TTF2: variants seen among roughly 807,000 people sequenced by gnomAD.
TTF2 encodes the protein transcription termination factor 2, also known as RNA polymerase II termination factor.
A neutral mutation model predicts 142.4 loss-of-function variants in TTF2; 108 were observed. The observed-to-expected ratio is 0.76, with a 90% confidence interval of 0.65 to 0.89. TTF2 has a LOEUF of 0.89. TTF2 is among the 40% of genes least tolerant of loss of function. The probability of loss-of-function intolerance (pLI) is 0.00; values close to 1 mark genes in which losing one functional copy is unlikely to be tolerated. For missense variants in TTF2, 1,327 were observed against 1,379.8 expected, an observed-to-expected ratio of 0.96 and a Z score of 0.61; for synonymous variants, 483 against 506.2, an observed-to-expected ratio of 0.95 and a Z score of 0.61.
intron 20 of TTF2, 56 bp downstream of exon 20, chr1:117,096,355 G>T: frequency 2.5e-6 from 4 of 1,573,954 alleles, no homozygotes; most frequent in Non-Finnish European, 3.5e-6. Context: ...TATACAAAGA[G>T]AATTCTTTTT....
At position 117,093,858 on chromosome 1, in the gene TTF2, A is replaced by G. The variant is rs1648836867; in HGVS notation, c.2976+957A>G. Among the ~76,000 whole-genome samples the G allele has an allele frequency of 6.6e-6, 1 of 152,196 alleles. No individual in the cohort carries two copies. The highest frequency in any genetic ancestry group is 2.4e-5 in the African/African-American group (1 of 41,448). On this transcript the variant is annotated intron_variant, in intron 18 of 22. Coordinates refer to ENST00000369466, the MANE Select transcript of TTF2 (RefSeq NM_003594.4). This position sits in a 1 kb window ranked among gnomAD's most constrained non-coding sequence, Gnocchi z 4.5. The stretch of plus-strand genomic sequence containing the variant: ...TAACATATGTCCATTAATAGTTCAA[A>G]CCACATACGGTTGTTTCAAGTAGGG...
chr1:117,074,488 G>A (rs968824149), intron 4 of TTF2, among the ~76,000 whole-genome samples: 3 of 152,010 alleles, frequency 2.0e-5, no homozygotes, highest in African/African-American at 4.8e-5. Context: ...TTTTCTAGAC[G>A]TGGAAATGGT....
In TTF2 at chr1:117,075,800, G is replaced by A; in HGVS notation, c.1216G>A (p.Glu406Lys). Residue 406 changes from glutamate to lysine, a missense_variant, in exon 5 of 23, where the codon GAA (glutamate) becomes AAA (lysine). By Grantham distance (56) the Glu-to-Lys change is moderately conservative. Transcript: ENST00000369466. This position sits in a 1 kb window ranked among gnomAD's most constrained non-coding sequence, Gnocchi z 4.5. ...SPASGVSKKVEPSDPVARRVY... is the reference protein window; with the variant it reads ...SPASGVSKKVKPSDPVARRVY... ...TGCCTCAGGTGTTTCCAAGAAGGTA[G>A]AACCCTCAGACCCAGTAGCCCGGCG... The A allele has an allele frequency of 1.9e-6, 3 of 1,614,148 alleles. No individual in the cohort carries two copies. The highest frequency in any genetic ancestry group is 2.5e-6 in the Non-Finnish European group (3 of 1,180,012).
rs144155888 is a variant in TTF2 at position 117,068,462 on chromosome 1, G to A, written c.219-5199G>A. ...TAATGTAAATGACGAGTTAATGGGC[G>A]CAACACACCAACATGGCACATGCAT... On this transcript the variant is annotated intron_variant, in intron 3 of 22. Transcript: ENST00000369466. 4.1e-3 allele frequency among the ~76,000 whole-genome samples: 616 copies of A among 150,960 alleles called. 2 individuals are homozygous for A. Among genetic ancestry groups the A allele is most frequent in the Middle Eastern group, 0.01 (3 of 294 alleles).
At chr1:117,096,678 A>C (rs1649186009) in intron 20 of TTF2, among the ~76,000 whole-genome samples, 1 of 152,222 alleles carries the variant, frequency 6.6e-6, no homozygotes, top group African/African-American at 2.4e-5. Context: ...GTGCCCAGCC[A>C]TATAAAGAGA....
intron 12 of TTF2, among the ~76,000 whole-genome samples, chr1:117,088,041 C>A (rs1648188202): frequency 1.3e-5 from 2 of 152,060 alleles, no homozygotes; most frequent in African/African-American, 4.8e-5. Flanking sequence ...TGTTTTTCTC[C>A]CCTGCTAGAT....
Position 117,076,771 on chromosome 1 carries a change from A to C in TTF2, c.1521A>C (p.Glu507Asp). The change falls in exon 7 of 23, where the codon GAA becomes GAC. Residue 507 changes from glutamate (E) to aspartate (D), a missense_variant. Coordinates refer to ENST00000369466, the MANE Select transcript of TTF2 (RefSeq NM_003594.4). The surrounding 1 kb of genome is among the most constrained non-coding windows in gnomAD (Gnocchi z 4.6). ...GTACCCAACCTGTGGGTTCTCTAGA[A>C]CTAAAGTCTGCCTGCCAGGTGACTG... ...RRGTQPVGSL[E>D]LKSACQVTAG... 2.5e-6 allele frequency: 4 copies of C among 1,614,104 alleles called. No individual in the cohort carries two copies. Among genetic ancestry groups the C allele is most frequent in the Non-Finnish European group, 3.4e-6 (4 of 1,180,004 alleles).
At position 117,062,507 on chromosome 1, in the gene TTF2, G is replaced by C. The variant is rs770091145; in HGVS notation, c.218+34G>C. 2.0e-6 allele frequency: 3 copies of C among 1,473,348 alleles called. No homozygotes were observed. In the East Asian group the frequency reaches 7.1e-5, roughly 35 times the overall value. 91.3% of individuals were successfully genotyped at this position (1,473,348 alleles called of 1,614,324 possible). On this transcript the variant is annotated intron_variant, in intron 3 of 22. Transcript: ENST00000369466. The stretch of plus-strand genomic sequence containing the variant: ...CCAAAAGGAACATCTAAGTGTATTT[G>C]CTTTTTTTTTTTTTTCTCCCTGAAA...
Position 117,086,403 on chromosome 1 carries a change from T to C in TTF2, c.2055-14T>C, listed in dbSNP as rs950433527. 6.3e-6 allele frequency: 10 copies of C among 1,593,154 alleles called. No individual in the cohort carries two copies. The highest frequency in any genetic ancestry group is 1.7e-5 in the Admixed American group (1 of 59,908). On this transcript the variant is annotated splice_polypyrimidine_tract_variant and intron_variant, in intron 11 of 22. Coordinates refer to ENST00000369466, the MANE Select transcript of TTF2 (RefSeq NM_003594.4). The surrounding 1 kb of genome is among the most constrained non-coding windows in gnomAD (Gnocchi z 4.2). Reference sequence around the variant, plus strand: ...GTGGGACCATTTATTGATTTCTTTGTTATGTCTACGCAGCCTCTCTACATA... The same window carrying C: ...GTGGGACCATTTATTGATTTCTTTGCTATGTCTACGCAGCCTCTCTACATA...
At chr1:117,065,545 C>A (rs746088471) in intron 3 of TTF2, among the ~76,000 whole-genome samples, 1 of 151,972 alleles carries the variant, frequency 6.6e-6, no homozygotes. Flanking sequence ...TACAGTGAGC[C>A]GGGATCGCGC....
At position 117,086,710 on chromosome 1, in the gene TTF2, A is replaced by G. The variant is rs1035895850; in HGVS notation, c.2160+188A>G. On this transcript the variant is annotated intron_variant, in intron 12 of 22. Transcript: ENST00000369466. This position sits in a 1 kb window ranked among gnomAD's most constrained non-coding sequence, Gnocchi z 4.2. ...CTTATTCCAGACAACCACCTCAGTG[A>G]TAAAGATCAACCTATGCCACAGGAT... is the stretch of plus-strand genomic sequence containing the variant. Among the ~76,000 whole-genome samples, 6 of 152,220 alleles carry G rather than the reference A, an allele frequency of 3.9e-5. No homozygotes were observed. Among genetic ancestry groups the G allele is most frequent in the Non-Finnish European group, 8.8e-5 (6 of 68,052 alleles).
At chr1:117,083,949 T>G in intron 10 of TTF2, 69 bp from the exon 11 acceptor site, 2 of 1,574,748 alleles carry the variant, frequency 1.3e-6, no homozygotes, top group Non-Finnish European at 1.7e-6. Flanking sequence ...TGTCTCCATA[T>G]ATTAAAAAAG....
rs1257724121 is a variant in TTF2 at position 117,073,017 on chromosome 1, A to G, written c.219-644A>G. 5.3e-5 allele frequency among the ~76,000 whole-genome samples: 8 copies of G among 152,200 alleles called. No individual in the cohort carries two copies. The East Asian group carries it at 1.5e-3, about 29-fold the overall frequency. ...AATTTGTTTAAATCAGGATCCAAAT[A>G]AGGTTCACAAATTGGAATTGATTAA... On this transcript the variant is annotated intron_variant, in intron 3 of 22. Transcript: ENST00000369466. The surrounding 1 kb of genome is among the most constrained non-coding windows in gnomAD (Gnocchi z 4.4).
Position 117,088,968 on chromosome 1 carries a change from G to A in TTF2, c.2328G>A (p.Met776Ile), listed in dbSNP as rs1648294540. The stretch of plus-strand genomic sequence containing the variant: ...CCATTCAAAACAACTTATTGGATAT[G>A]TATTCGCTGCTGAAGTGAGTAACTT... ...GTPIQNNLLDMYSLLKFLRCS... is the reference protein window; with the variant it reads ...GTPIQNNLLDIYSLLKFLRCS... The change falls in exon 13 of 23, where the codon ATG (methionine) becomes ATA (isoleucine). Residue 776 changes from methionine to isoleucine, a missense_variant. By Grantham distance (10) the Met-to-Ile change is conservative. Transcript: ENST00000369466. 1 of 1,611,768 alleles carries A rather than the reference G, an allele frequency of 6.2e-7. No homozygotes were observed. Among genetic ancestry groups the A allele is most frequent in the Non-Finnish European group, 8.5e-7 (1 of 1,179,102 alleles).
chr1:117,075,543 A>G lies in TTF2; in HGVS notation c.959A>G (p.His320Arg). ...CATTTCCAAGAGCGGCCGGAGACCC[A>G]CAGTGTGCCTGCTCCTGGAGGACCA... ...QGHFQERPET[H>R]SVPAPGGPAA... Residue 320 changes from histidine to arginine, a missense_variant, in exon 5 of 23, where the codon CAC becomes CGC. Coordinates refer to ENST00000369466, the MANE Select transcript of TTF2 (RefSeq NM_003594.4). This position sits in a 1 kb window ranked among gnomAD's most constrained non-coding sequence, Gnocchi z 4.5. 7 of 1,614,144 alleles carry G rather than the reference A, an allele frequency of 4.3e-6. No individual in the cohort carries two copies. The highest frequency in any genetic ancestry group is 5.9e-6 in the Non-Finnish European group (7 of 1,180,026).
intron 18 of TTF2, 85 bp from the exon 19 acceptor site, chr1:117,095,224 A>G (rs934066161): frequency 6.6e-5 from 84 of 1,267,946 alleles, no homozygotes; most frequent in Middle Eastern, 5.6e-4. Context: ...GACGCCATGT[A>G]GGAGGCTGCT....
intron 2 of TTF2, 62 bp downstream of exon 2, chr1:117,060,619 C>A (rs1443084145): frequency 1.3e-6 from 2 of 1,493,302 alleles, no homozygotes; most frequent in Non-Finnish European, 1.8e-6. Context: ...AGGAGCTTCC[C>A]GCTCCCCGCT....
chr1:117,097,564 G>A lies in TTF2; in HGVS notation c.3269+131G>A. On this transcript the variant is annotated intron_variant, in intron 21 of 22. Coordinates refer to ENST00000369466, the MANE Select transcript of TTF2 (RefSeq NM_003594.4). This position sits in a 1 kb window ranked among gnomAD's most constrained non-coding sequence, Gnocchi z 4.1. ...TGCAGAGATGCCTTGCTTTGTATGT[G>A]TCTATAGATACAGATCTAAGCAGGG... 1 of 842,478 alleles carries A rather than the reference G, an allele frequency of 1.2e-6. No individual in the cohort carries two copies. The highest frequency in any genetic ancestry group is 2.0e-6 in the Non-Finnish European group (1 of 497,352). 52.2% of individuals were successfully genotyped at this position (842,478 alleles called of 1,614,324 possible).
intron 11 of TTF2, among the ~76,000 whole-genome samples, chr1:117,084,370 T>C (rs1647823387): frequency 6.6e-6 from 1 of 152,200 alleles, no homozygotes; most frequent in Admixed American, 6.5e-5. Context: ...TCCTTGTCAT[T>C]GTCCTCAATG....
Sources: allele counts gnomAD v4.1 joint callset (sites outside exome capture counted in the v4.1 genomes callset), GRCh38; gene constraint gnomAD v4.1.1; non-coding constraint Gnocchi (gnomAD v3.1); transcripts MANE v1.5; gene names NCBI Gene and HGNC (gene_info 2026-07-23, HGNC 2026-07-21).